RAB3IP: variants seen among roughly 807,000 people sequenced by gnomAD.
The protein encoded by RAB3IP is rab-3A-interacting protein.
In RAB3IP, 36 loss-of-function variants were observed where a neutral mutation model predicts 59.1. That is an observed-to-expected ratio of 0.61 (90% CI 0.47 to 0.80). RAB3IP has a LOEUF of 0.80. RAB3IP is among the 30% of genes least tolerant of loss of function. RAB3IP has a pLI of 0.00. For synonymous variants in RAB3IP, 207 were observed against 191.2 expected (o/e 1.08, Z -0.68); for missense variants, 511 against 536.0 (o/e 0.95, Z 0.46).
In RAB3IP at chr12:69,821,559, C is replaced by G. The variant is rs1036564570; in HGVS notation, c.*6113C>G. The G allele has an allele frequency of 6.6e-6, 1 of 152,164 alleles. No individual in the cohort carries two copies. Among genetic ancestry groups the G allele is most frequent in the African/African-American group, 2.4e-5 (1 of 41,430 alleles). The allele number at this position is 152,164 out of a possible 1,614,324, so 9.4% of individuals were successfully genotyped here. On this transcript the variant is annotated 3_prime_UTR_variant, in exon 11 of 11. Coordinates refer to ENST00000247833, the MANE Select transcript of RAB3IP (RefSeq NM_022456.5). ...CGGCACCAGGGTTGCATCTTGTGGG[C>G]TCCATTGTGTTTTCACACAATGTGC...
intron 8 of RAB3IP, among the ~76,000 whole-genome samples, chr12:69,811,348 C>T (rs1174514547): frequency 6.6e-6 from 1 of 152,052 alleles, no homozygotes; most frequent in Non-Finnish European, 1.5e-5. Flanking sequence ...CACATGTTTA[C>T]CTATGTAATA....
In RAB3IP at chr12:69,795,356, A is replaced by G; in HGVS notation, c.888+12A>G. The G allele has an allele frequency of 6.2e-7, 1 of 1,600,506 alleles. No homozygotes were observed. The highest frequency in any genetic ancestry group is 1.1e-5 in the South Asian group (1 of 90,602). On this transcript the variant is annotated intron_variant, in intron 6 of 10. Coordinates refer to ENST00000247833, the MANE Select transcript of RAB3IP (RefSeq NM_022456.5). The stretch of plus-strand genomic sequence containing the variant: ...AAGACTGCAAAGAGGTAACTCATCA[A>G]GGACTGTCCCCTCTGACTCTGTTGA...
intron 1 of RAB3IP, chr12:69,739,789 G>A: frequency 5.0e-6 from 8 of 1,608,750 alleles, no homozygotes; most frequent in Non-Finnish European, 6.8e-6. Flanking sequence ...GAGCTTACTG[G>A]CTCCAGAAGT....
intron 1 of RAB3IP, among the ~76,000 whole-genome samples, chr12:69,743,534 A>G (rs1887549775): frequency 6.6e-6 from 1 of 152,136 alleles, no homozygotes; most frequent in Non-Finnish European, 1.5e-5. Flanking sequence ...CAATGTATAC[A>G]TTTTTACATT....
intron 4 of RAB3IP, among the ~76,000 whole-genome samples, chr12:69,787,324 G>A (rs1430679082): frequency 1.3e-5 from 2 of 152,052 alleles, no homozygotes; most frequent in Non-Finnish European, 2.9e-5. Context: ...AGAATACAAA[G>A]CAGTCTATAT....
Position 69,821,837 on chromosome 12 carries a change from A to G in RAB3IP, c.*6391A>G, listed in dbSNP as rs549749321. ...TCCATGGTTTGCTCTATGGCCCACC[A>G]TCCTGGATTGTCTCCCTGACACCAA... On this transcript the variant is annotated 3_prime_UTR_variant, in exon 11 of 11. Transcript: ENST00000247833. The G allele has an allele frequency of 1.3e-5, 2 of 152,284 alleles. No individual in the cohort carries two copies. The highest frequency in any genetic ancestry group is 4.1e-4 in the South Asian group (2 of 4,822). 9.4% of individuals were successfully genotyped at this position (152,284 alleles called of 1,614,324 possible).
intron 3 of RAB3IP, among the ~76,000 whole-genome samples, chr12:69,760,878 G>C (rs973693640): frequency 1.3e-5 from 2 of 151,836 alleles, no homozygotes; most frequent in Admixed American, 1.3e-4. Context: ...CTTTGGTGTA[G>C]TTTCTTCAGC....
rs1274744461 is a variant in RAB3IP, at chr12:69,755,577, G to T, written c.169G>T (p.Ala57Ser). ...ALSSVPIQAN[A>S]LDVSELPTQP... ...ATCCTCTGTACCTATCCAGGCAAAT[G>T]CATTAGATGTTTCTGAACTTCCTAC... Residue 57 changes from alanine to serine, a missense_variant, in exon 2 of 11, where the codon GCA (alanine) becomes TCA (serine). Ala to Ser is a moderately conservative substitution (Grantham distance 99). Transcript: ENST00000247833. 2 of 1,613,804 alleles carry T rather than the reference G, an allele frequency of 1.2e-6. No homozygotes were observed. Among genetic ancestry groups the T allele is most frequent in the Non-Finnish European group, 1.7e-6 (2 of 1,179,934 alleles).
At chr12:69,741,238 G>A (rs1241530604) in intron 1 of RAB3IP, among the ~76,000 whole-genome samples, 2 of 152,120 alleles carry the variant, frequency 1.3e-5, no homozygotes, top group Non-Finnish European at 2.9e-5. Context: ...GGACATTCCC[G>A]GGATATAGGT....
intron 1 of RAB3IP, among the ~76,000 whole-genome samples, chr12:69,750,597 T>C (rs1053117862): frequency 2.0e-5 from 3 of 151,386 alleles, no homozygotes; most frequent in Non-Finnish European, 4.4e-5. Context: ...AGTTTGTTTA[T>C]GATGAGAGTT....
chr12:69,747,331 T>TGAGA (rs774489387), intron 1 of RAB3IP, among the ~76,000 whole-genome samples: 60 of 86,004 alleles, frequency 7.0e-4, no homozygotes, highest in African/African-American at 2.1e-3. Context: ...TGTGTGTGTG[T>TGAGA]GAGAGAGAGA....
At chr12:69,771,149 C>T (rs1029435864) in intron 3 of RAB3IP, among the ~76,000 whole-genome samples, 1 of 152,140 alleles carries the variant, frequency 6.6e-6, no homozygotes, top group African/African-American at 2.4e-5. Flanking sequence ...AACATGATGT[C>T]CTCTAGGCTT....
intron 8 of RAB3IP, among the ~76,000 whole-genome samples, chr12:69,807,785 C>G (rs1013228197): frequency 1.4e-5 from 2 of 147,228 alleles, no homozygotes; most frequent in African/African-American, 5.1e-5. Flanking sequence ...TCCTCACCTC[C>G]CAGATGATGG....
chr12:69,758,217 C>T (rs775168617), intron 3 of RAB3IP, among the ~76,000 whole-genome samples: 10 of 152,074 alleles, frequency 6.6e-5, no homozygotes, highest in South Asian at 2.1e-4. Context: ...CTATTTAATA[C>T]GAGTTTCTTA....
intron 3 of RAB3IP, among the ~76,000 whole-genome samples, chr12:69,762,300 G>A (rs1871431270): frequency 6.6e-6 from 1 of 152,172 alleles, no homozygotes; most frequent in African/African-American, 2.4e-5. Flanking sequence ...GGGCTTTAGT[G>A]CATTCTTATT....
chr12:69,741,686 G>C (rs1887360241), intron 1 of RAB3IP, among the ~76,000 whole-genome samples: 1 of 152,190 alleles, frequency 6.6e-6, no homozygotes, highest in Non-Finnish European at 1.5e-5. Flanking sequence ...ACCTTATGTA[G>C]TTTGCTCAAC....
rs184406740 is a variant in RAB3IP at position 69,785,627 on chromosome 12, G to A, written c.606+812G>A. On this transcript the variant is annotated intron_variant, in intron 4 of 10. Coordinates refer to ENST00000247833, the MANE Select transcript of RAB3IP (RefSeq NM_022456.5). ...CCTTGAGGGAGCGGCACCCTTTTTT[G>A]TTCTATTCAGGCCATCAACTGATTG... Among the ~76,000 whole-genome samples the A allele has an allele frequency of 2.6e-5, 4 of 152,184 alleles. No individual in the cohort carries two copies. In the East Asian group the frequency reaches 7.7e-4, roughly 29 times the overall value.
chr12:69,755,164 C>G (rs1869983622), intron 1 of RAB3IP, among the ~76,000 whole-genome samples: 1 of 152,218 alleles, frequency 6.6e-6, no homozygotes, highest in South Asian at 2.1e-4. Flanking sequence ...TCACTGCAAC[C>G]TGCATTTGGG....
chr12:69,756,800 T>C (rs905587902), intron 3 of RAB3IP, 137 bp downstream of exon 3: 24 of 716,380 alleles, frequency 3.4e-5, no homozygotes, highest in African/African-American at 3.0e-4. Flanking sequence ...TCAGCTCCTG[T>C]TAGGCAGCAT....
Sources: allele counts gnomAD v4.1 joint callset (sites outside exome capture counted in the v4.1 genomes callset), GRCh38; gene constraint gnomAD v4.1.1; transcripts MANE v1.5; gene names NCBI Gene and HGNC (gene_info 2026-07-23, HGNC 2026-07-21).